Variants in RSU1 observed in about 807,000 individuals in gnomAD.
RSU1 encodes rsu-1.
A neutral mutation model predicts 31.1 loss-of-function variants in RSU1; 26 were observed. The ratio of observed to expected loss-of-function variants is 0.84; its 90% CI spans 0.61 to 1.16. The LOEUF (loss-of-function observed/expected upper bound fraction) is 1.16, where lower values mean the gene tolerates loss of function less well. RSU1 is among the 50% of genes most tolerant of loss of function. RSU1 has a pLI of 0.00. For synonymous variants in RSU1, 164 were observed against 136.3 expected, an observed-to-expected ratio of 1.20 and a Z score of -1.41; for missense variants, 320 against 339.1, an observed-to-expected ratio of 0.94 and a Z score of 0.44.
chr10:16,611,221 G>A (rs1241675546), intron 8 of RSU1, among the ~76,000 whole-genome samples: 1 of 152,126 alleles, frequency 6.6e-6, no homozygotes, highest in Non-Finnish European at 1.5e-5. Flanking sequence ...GATCCTTCTC[G>A]AGTGGCCACA....
chr10:16,681,876 G>A (rs980488573), intron 8 of RSU1, among the ~76,000 whole-genome samples: 3 of 151,992 alleles, frequency 2.0e-5, no homozygotes, highest in Admixed American at 2.0e-4. Flanking sequence ...TCTCTACCTG[G>A]AGCCTTTTTC....
intron 5 of RSU1, among the ~76,000 whole-genome samples, chr10:16,754,043 A>T (rs773711194): frequency 2.0e-5 from 3 of 152,228 alleles, no homozygotes; most frequent in Non-Finnish European, 4.4e-5. Context: ...TTAATATAAC[A>T]TAATAAAAAT....
chr10:16,663,267 A>C (rs942965660), intron 8 of RSU1, among the ~76,000 whole-genome samples: 1 of 152,154 alleles, frequency 6.6e-6, no homozygotes, highest in Non-Finnish European at 1.5e-5. Context: ...GTACACCAGG[A>C]GGAAGAAGCA....
intron 2 of RSU1, among the ~76,000 whole-genome samples, chr10:16,790,880 T>C (rs1173851309): frequency 6.6e-6 from 1 of 152,186 alleles, no homozygotes; most frequent in African/African-American, 2.4e-5. Flanking sequence ...GATTATAAGT[T>C]TTCTGAAGCC....
chr10:16,784,931 G>A (rs186435051), intron 2 of RSU1, among the ~76,000 whole-genome samples: 1 of 152,124 alleles, frequency 6.6e-6, no homozygotes, highest in East Asian at 1.9e-4. Flanking sequence ...GTGGGGCTTT[G>A]GGAGGAGGTA....
chr10:16,639,100 A>T (rs1172457279), intron 8 of RSU1, among the ~76,000 whole-genome samples: 1 of 152,176 alleles, frequency 6.6e-6, no homozygotes, highest in African/African-American at 2.4e-5. Context: ...GGGGTAAATT[A>T]TTTCTTGGAT....
At chr10:16,618,319 G>C (rs1343777252) in intron 8 of RSU1, among the ~76,000 whole-genome samples, 1 of 152,178 alleles carries the variant, frequency 6.6e-6, no homozygotes, top group Non-Finnish European at 1.5e-5. Context: ...TTAAAAGTCA[G>C]GGAACAACAG....
intron 8 of RSU1, among the ~76,000 whole-genome samples, chr10:16,654,763 T>C (rs1834747810): frequency 6.6e-6 from 1 of 151,574 alleles, no homozygotes. Context: ...TTTTCCTTTC[T>C]AAATAGAGAA....
chr10:16,650,581 T>TC (rs1230136212), intron 8 of RSU1, among the ~76,000 whole-genome samples: 1 of 148,168 alleles, frequency 6.7e-6, no homozygotes, highest in African/African-American at 2.5e-5. Context: ...AAAAGCTTTT[T>TC]TTTTTTTTTT....
intron 8 of RSU1, among the ~76,000 whole-genome samples, chr10:16,637,201 C>A (rs1015592133): frequency 1.1e-4 from 17 of 152,092 alleles, no homozygotes; most frequent in Admixed American, 6.5e-4. Context: ...CAATCTTGCC[C>A]CCACATGAAA....
chr10:16,783,958 G>A (rs995654934), intron 2 of RSU1, among the ~76,000 whole-genome samples: 8 of 152,146 alleles, frequency 5.3e-5, no homozygotes, highest in African/African-American at 1.2e-4. Context: ...GAGAATTCAC[G>A]CTGCAGGTAG....
chr10:16,608,711 TCTC>T (rs1225682510), intron 8 of RSU1, among the ~76,000 whole-genome samples: 1 of 151,760 alleles, frequency 6.6e-6, no homozygotes, highest in Non-Finnish European at 1.5e-5. Flanking sequence ...TTGAACTCCA[TCTC>T]CTCTTTTTTC....
chr10:16,754,669 A>G (rs1438469630), intron 5 of RSU1, among the ~76,000 whole-genome samples: 2 of 151,818 alleles, frequency 1.3e-5, no homozygotes. Flanking sequence ...TACTAAGTCC[A>G]CTTCAGCCCA....
At chr10:16,710,400 G>A (rs553108975) in intron 7 of RSU1, among the ~76,000 whole-genome samples, 5 of 152,168 alleles carry the variant, frequency 3.3e-5, no homozygotes, top group Admixed American at 6.5e-5. Flanking sequence ...GCTGGATTCA[G>A]TTTGTTAATA....
rs1362079478 is a variant in RSU1, at chr10:16,798,632, C to T, written c.110-16548G>A. Among the ~76,000 whole-genome samples, 9 of 152,290 alleles carry T rather than the reference C, an allele frequency of 5.9e-5. No homozygotes were observed. In the East Asian group the frequency reaches 1.2e-3, roughly 20 times the overall value. ...ATGCTGAATGGTGAGTCAATTAAAC[C>T]TCTTTCCTTCATAAATTACCCATCT... On this transcript the variant is annotated intron_variant, in intron 2 of 8. Coordinates refer to ENST00000345264, the MANE Select transcript of RSU1 (RefSeq NM_012425.4).
intron 8 of RSU1, among the ~76,000 whole-genome samples, chr10:16,653,913 A>G (rs1834727747): frequency 6.6e-6 from 1 of 152,152 alleles, no homozygotes; most frequent in South Asian, 2.1e-4. Context: ...TTATAAACAC[A>G]CAAGTAAAGG....
At chr10:16,626,967 A>C (rs1834169433) in intron 8 of RSU1, among the ~76,000 whole-genome samples, 1 of 152,170 alleles carries the variant, frequency 6.6e-6, no homozygotes, top group South Asian at 2.1e-4. Flanking sequence ...CTAGAACCTA[A>C]ATCTGTTTTA....
At chr10:16,631,353 G>A (rs1488434266) in intron 8 of RSU1, among the ~76,000 whole-genome samples, 1 of 152,200 alleles carries the variant, frequency 6.6e-6, no homozygotes, top group Non-Finnish European at 1.5e-5. Context: ...GGGCCTGTTA[G>A]CACGGCAGGG....
At chr10:16,611,902 T>C (rs545329898) in intron 8 of RSU1, among the ~76,000 whole-genome samples, 1 of 152,376 alleles carries the variant, frequency 6.6e-6, no homozygotes, top group East Asian at 1.9e-4. Flanking sequence ...AGCAGACTGG[T>C]AGAAATGACT....
Sources: allele counts gnomAD v4.1 joint callset (sites outside exome capture counted in the v4.1 genomes callset), GRCh38; gene constraint gnomAD v4.1.1; transcripts MANE v1.5; gene names NCBI Gene and HGNC (gene_info 2026-07-23, HGNC 2026-07-21).